The following GNA12 variants were observed in gnomAD, a reference collection of about 807,000 sequenced individuals.
GNA12 encodes guanine nucleotide-binding protein subunit alpha-12.
Under a neutral mutation model 26.0 loss-of-function variants are expected in GNA12, and 9 were observed. The ratio of observed to expected loss-of-function variants is 0.35; its 90% CI spans 0.21 to 0.60. The LOEUF (loss-of-function observed/expected upper bound fraction) is 0.60, where lower values mean the gene tolerates loss of function less well. Ranked by LOEUF, GNA12 falls within the 20% of genes least tolerant of loss-of-function variation. The pLI is 0.78. For synonymous variants in GNA12, 264 were observed against 219.6 expected, an observed-to-expected ratio of 1.20 and a Z score of -1.79; for missense variants, 405 against 525.8, an observed-to-expected ratio of 0.77 and a Z score of 2.25.
intron 1 of GNA12, among the ~76,000 whole-genome samples, chr7:2,826,230 TAGCC>T (rs1562447373): frequency 2.6e-5 from 4 of 151,670 alleles, no homozygotes. Context: ...TACAAAAAAT[TAGCC>T]AGGCTTGGTG....
chr7:2,766,326 G>A (rs918701862), intron 2 of GNA12, among the ~76,000 whole-genome samples: 3 of 150,966 alleles, frequency 2.0e-5, no homozygotes, highest in Non-Finnish European at 2.9e-5. Flanking sequence ...ATTCCATTGT[G>A]TGTATGTACT....
At chr7:2,767,843 T>C (rs1791845071) in intron 2 of GNA12, among the ~76,000 whole-genome samples, 1 of 152,222 alleles carries the variant, frequency 6.6e-6, no homozygotes, top group South Asian at 2.1e-4. Context: ...GTTGTACTAA[T>C]GGAGACTATA....
chr7:2,784,824 TA>T (rs1454593126), intron 2 of GNA12, among the ~76,000 whole-genome samples: 2 of 152,232 alleles, frequency 1.3e-5, no homozygotes, highest in Admixed American at 1.3e-4. Flanking sequence ...ATTTGACTCT[TA>T]ATTTATGTTG....
chr7:2,791,680 C>T (rs1013447206), intron 2 of GNA12, among the ~76,000 whole-genome samples: 1 of 151,552 alleles, frequency 6.6e-6, no homozygotes, highest in African/African-American at 2.4e-5. Context: ...CCTAGAAAAG[C>T]TTTGACACTC....
chr7:2,732,388 A>G (rs566523323), intron 3 of GNA12, among the ~76,000 whole-genome samples: 1 of 152,326 alleles, frequency 6.6e-6, no homozygotes, highest in South Asian at 2.1e-4. Flanking sequence ...ATTTACAAGA[A>G]GTAAAAACAT....
intron 2 of GNA12, among the ~76,000 whole-genome samples, chr7:2,786,364 T>C (rs868066489): frequency 2.6e-5 from 4 of 152,230 alleles, no homozygotes; most frequent in Non-Finnish European, 5.9e-5. Flanking sequence ...CGCCTGGCGA[T>C]AAGACTGGTA....
At chr7:2,743,688 C>T (rs538182538) in intron 2 of GNA12, among the ~76,000 whole-genome samples, 6 of 152,200 alleles carry the variant, frequency 3.9e-5, no homozygotes, top group East Asian at 3.9e-4. Context: ...AGACAGTGGG[C>T]GCAGCGCACT....
At chr7:2,805,598 T>C (rs1792926733) in intron 1 of GNA12, among the ~76,000 whole-genome samples, 1 of 152,234 alleles carries the variant, frequency 6.6e-6, no homozygotes, top group African/African-American at 2.4e-5. Context: ...ATGCCTGGGC[T>C]GCCGCCTGCT....
At chr7:2,734,647 G>C (rs1013324204) in intron 2 of GNA12, among the ~76,000 whole-genome samples, 7 of 152,252 alleles carry the variant, frequency 4.6e-5, no homozygotes, top group Non-Finnish European at 7.3e-5. Context: ...GGAGAAAGCA[G>C]AGAGGAAGCT....
chr7:2,810,663 G>A (rs1314565019), intron 1 of GNA12, among the ~76,000 whole-genome samples: 1 of 152,158 alleles, frequency 6.6e-6, no homozygotes, highest in African/African-American at 2.4e-5. Flanking sequence ...TTGGGAGGCT[G>A]AGGCGGGCAG....
intron 1 of GNA12, among the ~76,000 whole-genome samples, chr7:2,816,044 G>A (rs1009771969): frequency 3.9e-5 from 6 of 152,230 alleles, no homozygotes; most frequent in African/African-American, 1.4e-4. Context: ...GAGAGACCCT[G>A]GCCGCCGCGC....
intron 1 of GNA12, chr7:2,814,231 C>T: frequency 1.3e-6 from 1 of 790,918 alleles, no homozygotes; most frequent in Non-Finnish European, 2.3e-6. Context: ...TCTATGTATC[C>T]TGTTGGCTGT....
intron 2 of GNA12, among the ~76,000 whole-genome samples, chr7:2,747,625 C>G (rs550983985): frequency 6.6e-6 from 1 of 152,176 alleles, no homozygotes. Context: ...CAGGGATGCC[C>G]TCTCTCACCA....
chr7:2,803,085 G>C (rs1792852344), intron 1 of GNA12, among the ~76,000 whole-genome samples: 1 of 119,974 alleles, frequency 8.3e-6, no homozygotes, highest in Non-Finnish European at 1.9e-5. Flanking sequence ...AAAAGTGGTG[G>C]GTAACGAATG....
Position 2,843,911 on chromosome 7 carries a change from T to C in GNA12, c.251A>G (p.Glu84Gly). 1 of 1,584,336 alleles carries C rather than the reference T, an allele frequency of 6.3e-7. No homozygotes were observed. Among genetic ancestry groups the C allele is most frequent in the Non-Finnish European group, 8.6e-7 (1 of 1,167,270 alleles). ...LKQMRIIHGR[E>G]FDQKALLEFR... Reference sequence around the variant, plus strand: ...CTCCAGCAGCGCCTTCTGGTCGAACTCGCGGCCGTGGATGATGCGCATCTG... The same window carrying C: ...CTCCAGCAGCGCCTTCTGGTCGAACCCGCGGCCGTGGATGATGCGCATCTG... The change falls in exon 1 of 4, where the codon GAG becomes GGG. Residue 84 changes from glutamate to glycine, a missense_variant. Transcript: ENST00000275364.
chr7:2,733,299 A>T, intron 3 of GNA12, 152 bp downstream of exon 3: 1 of 672,354 alleles, frequency 1.5e-6, no homozygotes, highest in South Asian at 1.7e-5. Flanking sequence ...TCCAAGTGAG[A>T]GCGTGCCATT....
intron 2 of GNA12, among the ~76,000 whole-genome samples, chr7:2,746,269 G>T (rs1364910708): frequency 6.6e-6 from 1 of 152,130 alleles, no homozygotes. Context: ...CTTGATAGTT[G>T]GAAGTAAAGC....
At position 2,744,889 on chromosome 7, in the gene GNA12, C is replaced by T. The variant is rs148851437; in HGVS notation, c.526-11388G>A. 7.1e-3 allele frequency among the ~76,000 whole-genome samples: 1,085 copies of T among 151,954 alleles called. 8 individuals are homozygous for T. The highest frequency in any genetic ancestry group is 0.019 in the African/African-American group (787 of 41,438). ...TGAGGAATGCAGAAGCCTCAGGAGCCGATGCGATGAACTGGAAGAAAGGGT... is the reference window on the plus strand; with the variant it reads ...TGAGGAATGCAGAAGCCTCAGGAGCTGATGCGATGAACTGGAAGAAAGGGT... On this transcript the variant is annotated intron_variant, in intron 2 of 3. Transcript: ENST00000275364.
At chr7:2,805,574 G>A (rs1302244878) in intron 1 of GNA12, among the ~76,000 whole-genome samples, 3 of 152,206 alleles carry the variant, frequency 2.0e-5, no homozygotes, top group Non-Finnish European at 2.9e-5. Flanking sequence ...AGAGGAACAG[G>A]CAGGAGGCAG....
Sources: allele counts gnomAD v4.1 joint callset (sites outside exome capture counted in the v4.1 genomes callset), GRCh38; gene constraint gnomAD v4.1.1; transcripts MANE v1.5; gene names NCBI Gene and HGNC (gene_info 2026-07-23, HGNC 2026-07-21).